BMPR1B: variants seen among roughly 807,000 people sequenced by gnomAD.
The protein encoded by BMPR1B is bone morphogenetic protein receptor type 1B.
Under a neutral mutation model 59.1 loss-of-function variants are expected in BMPR1B, and 12 were observed. The ratio of observed to expected loss-of-function variants is 0.20; its 90% CI spans 0.13 to 0.33. The LOEUF (loss-of-function observed/expected upper bound fraction) is 0.33, where lower values mean the gene tolerates loss of function less well. BMPR1B is among the 10% of genes least tolerant of loss of function. BMPR1B has a pLI of 1.00. For missense variants in BMPR1B, 550 were observed against 610.9 expected, an observed-to-expected ratio of 0.90 and a Z score of 1.05; for synonymous variants, 237 against 207.3, an observed-to-expected ratio of 1.14 and a Z score of -1.23.
chr4:94,865,945 A>G (rs553743090), intron 1 of BMPR1B, among the ~76,000 whole-genome samples: 1 of 152,218 alleles, frequency 6.6e-6, no homozygotes, highest in South Asian at 2.1e-4. Flanking sequence ...CCATAATTTT[A>G]GAGTATACTA....
rs1284307193 is a variant in BMPR1B at position 95,157,947 on chromosome 4, T to C, written c.*3274T>C. 2 of 152,210 alleles carry C rather than the reference T, an allele frequency of 1.3e-5. No individual in the cohort carries two copies. The highest frequency in any genetic ancestry group is 4.8e-5 in the African/African-American group (2 of 41,456). 9.4% of individuals were successfully genotyped at this position (152,210 alleles called of 1,614,324 possible). ...TTGACACATTTCAATTGGTGTGTAG[T>C]CAAGTATAGCAAGTACTTAATAATG... On this transcript the variant is annotated 3_prime_UTR_variant, in exon 13 of 13. Coordinates refer to ENST00000515059, the MANE Select transcript of BMPR1B (RefSeq NM_001203.3).
intron 1 of BMPR1B, among the ~76,000 whole-genome samples, chr4:94,855,034 A>T (rs967468526): frequency 6.6e-6 from 1 of 152,186 alleles, no homozygotes; most frequent in African/African-American, 2.4e-5. Flanking sequence ...CAACCATAAT[A>T]ATCTAGGTGC....
At chr4:95,089,797 G>A (rs1729848403) in intron 3 of BMPR1B, among the ~76,000 whole-genome samples, 1 of 152,034 alleles carries the variant, frequency 6.6e-6, no homozygotes, top group Admixed American at 6.6e-5. Context: ...CAAAGTAGAT[G>A]GTGGTTCAGT....
intron 3 of BMPR1B, among the ~76,000 whole-genome samples, chr4:95,060,151 T>C (rs1727247073): frequency 6.6e-6 from 1 of 152,164 alleles, no homozygotes; most frequent in African/African-American, 2.4e-5. Flanking sequence ...CAGGTCCCAA[T>C]ACCCCATTTT....
chr4:95,078,464 C>T (rs773696120), intron 3 of BMPR1B, among the ~76,000 whole-genome samples: 12 of 152,028 alleles, frequency 7.9e-5, no homozygotes, highest in Admixed American at 2.6e-4. Context: ...GTACTAAGTG[C>T]GTTATATCAT....
chr4:94,854,495 C>T (rs1725680739), intron 1 of BMPR1B, among the ~76,000 whole-genome samples: 1 of 152,100 alleles, frequency 6.6e-6, no homozygotes, highest in East Asian at 1.9e-4. Flanking sequence ...GGTGACAAGG[C>T]TCTGAACAAC....
intron 3 of BMPR1B, among the ~76,000 whole-genome samples, chr4:95,005,757 T>C (rs1392823660): frequency 3.3e-5 from 5 of 152,230 alleles, no homozygotes; most frequent in Non-Finnish European, 5.9e-5. Context: ...TTCTGTCTTC[T>C]GTCTATTGCC....
At chr4:94,921,147 T>C (rs745499577) in intron 2 of BMPR1B, among the ~76,000 whole-genome samples, 2 of 152,128 alleles carry the variant, frequency 1.3e-5, no homozygotes, top group Non-Finnish European at 2.9e-5. Flanking sequence ...CCTCACGGAA[T>C]CTGCTTGGCG....
chr4:94,774,815 ATCTT>A (rs937011026), intron 1 of BMPR1B, among the ~76,000 whole-genome samples: 7 of 152,108 alleles, frequency 4.6e-5, no homozygotes, highest in African/African-American at 1.4e-4. Context: ...TTCTCTCTCT[ATCTT>A]TTACAATATG....
chr4:94,984,250 TA>T (rs1721264463), intron 2 of BMPR1B, among the ~76,000 whole-genome samples: 1 of 152,214 alleles, frequency 6.6e-6, no homozygotes, highest in Non-Finnish European at 1.5e-5. Flanking sequence ...CTCTTTTTGA[TA>T]AACTTCTCAA....
chr4:94,965,689 G>T (rs72671227), intron 2 of BMPR1B, among the ~76,000 whole-genome samples: 12,061 of 152,252 alleles, frequency 0.079, 555 homozygotes, highest in African/African-American at 0.13. Flanking sequence ...TTATCTGGCA[G>T]TACACTGAAG....
intron 2 of BMPR1B, among the ~76,000 whole-genome samples, chr4:94,979,633 CT>C (rs1316408635): frequency 6.6e-6 from 1 of 152,198 alleles, no homozygotes; most frequent in Non-Finnish European, 1.5e-5. Flanking sequence ...TAAAATCTAG[CT>C]TTGTATAAGT....
At chr4:94,820,474 GT>G (rs1724166892) in intron 1 of BMPR1B, among the ~76,000 whole-genome samples, 1 of 152,152 alleles carries the variant, frequency 6.6e-6, no homozygotes, top group Non-Finnish European at 1.5e-5. Flanking sequence ...TTTGTTCATT[GT>G]TTATTCCCAG....
intron 10 of BMPR1B, among the ~76,000 whole-genome samples, chr4:95,145,611 C>G (rs1734585296): frequency 6.6e-6 from 1 of 152,152 alleles, no homozygotes; most frequent in South Asian, 2.1e-4. Flanking sequence ...TGATTTTTCT[C>G]TGCCATTATT....
At chr4:95,054,341 A>G (rs906399175) in intron 3 of BMPR1B, among the ~76,000 whole-genome samples, 3 of 152,162 alleles carry the variant, frequency 2.0e-5, no homozygotes, top group African/African-American at 7.2e-5. Context: ...CTGCCTAGCT[A>G]TTACCTTAAA....
chr4:94,846,359 G>C (rs1263303535), intron 1 of BMPR1B, among the ~76,000 whole-genome samples: 1 of 152,170 alleles, frequency 6.6e-6, no homozygotes, highest in African/African-American at 2.4e-5. Flanking sequence ...ACAAGGTATT[G>C]ATCCTGGGTG....
At chr4:95,106,733 CA>C (rs1475674132) in intron 4 of BMPR1B, among the ~76,000 whole-genome samples, 1 of 151,828 alleles carries the variant, frequency 6.6e-6, no homozygotes, top group Non-Finnish European at 1.5e-5. Flanking sequence ...GGAGAGAGGT[CA>C]AAATGTGCAT....
chr4:94,835,520 C>T (rs1374848442), intron 1 of BMPR1B, among the ~76,000 whole-genome samples: 2 of 151,988 alleles, frequency 1.3e-5, no homozygotes, highest in Non-Finnish European at 1.5e-5. Context: ...TGTTCAGGAT[C>T]GCAATAAATT....
intron 2 of BMPR1B, among the ~76,000 whole-genome samples, chr4:94,908,665 C>T (rs74529438): frequency 0.027 from 4,051 of 152,030 alleles, 79 homozygotes; most frequent in East Asian, 0.092. Context: ...TTCAAATACT[C>T]GGTCATGAAG....
Sources: gnomAD v4.1 joint callset for allele counts (sites outside exome capture counted in the v4.1 genomes callset) on GRCh38, gnomAD v4.1.1 for gene constraint, MANE v1.5 for transcripts, NCBI Gene and HGNC (gene_info 2026-07-23, HGNC 2026-07-21) for gene names.